Variants in ADAM10 observed in about 807,000 individuals in gnomAD.
ADAM10 encodes ADAM metallopeptidase domain 10, also known as disintegrin and metalloproteinase domain-containing protein 10.
Under a neutral mutation model 90.1 loss-of-function variants are expected in ADAM10, and 17 were observed. That is an observed-to-expected ratio of 0.19 (90% CI 0.13 to 0.28). ADAM10 has a LOEUF of 0.28. Among genes scored for constraint, ADAM10 ranks in the 10% least tolerant of loss-of-function variants. ADAM10 has a pLI of 1.00. For missense variants in ADAM10, 610 were observed against 914.3 expected (o/e 0.67, Z 4.29); for synonymous variants, 310 against 298.6 (o/e 1.04, Z -0.40).
chr15:58,619,324 T>A (rs797019714), intron 11 of ADAM10, among the ~76,000 whole-genome samples: 26 of 152,160 alleles, frequency 1.7e-4, no homozygotes, highest in African/African-American at 6.0e-4. Flanking sequence ...TACAAGAGGA[T>A]GAGAAGGGTA....
intron 11 of ADAM10, among the ~76,000 whole-genome samples, chr15:58,615,423 C>A (rs1258524809): frequency 6.6e-6 from 1 of 151,994 alleles, no homozygotes; most frequent in Non-Finnish European, 1.5e-5. Context: ...ATTTTAATCT[C>A]TTCTCCCTCT....
At chr15:58,674,080 C>T (rs2140742762) in intron 4 of ADAM10, among the ~76,000 whole-genome samples, 1 of 152,024 alleles carries the variant, frequency 6.6e-6, no homozygotes, top group East Asian at 1.9e-4. Context: ...ATTTAGTATC[C>T]TACATTTCTA....
At chr15:58,696,577 C>T (rs1479285887) in intron 2 of ADAM10, among the ~76,000 whole-genome samples, 3 of 151,658 alleles carry the variant, frequency 2.0e-5, no homozygotes, top group South Asian at 2.1e-4. Flanking sequence ...GTGATTCTTC[C>T]GCCTCAGCCT....
At chr15:58,725,853 A>T (rs1899011395) in intron 1 of ADAM10, among the ~76,000 whole-genome samples, 1 of 152,160 alleles carries the variant, frequency 6.6e-6, no homozygotes, top group Admixed American at 6.5e-5. Flanking sequence ...TGAGAAGAGG[A>T]GGTGAAACGA....
At position 58,597,454 on chromosome 15, in the gene ADAM10, G is replaced by A. The variant is rs1475232187; in HGVS notation, c.*93C>T. 6.3e-7 allele frequency: 1 copy of A among 1,599,514 alleles called. No homozygotes were observed. Among genetic ancestry groups the A allele is most frequent in the Non-Finnish European group, 8.5e-7 (1 of 1,172,162 alleles). ...TTTTTCTTCAACTGTTACTTGTGAG[G>A]GTTTAGTTTGGAGATGATGACTTAA... On this transcript the variant is annotated 3_prime_UTR_variant, in exon 16 of 16. Transcript: ENST00000260408.
At chr15:58,628,864 T>C (rs922913466) in intron 9 of ADAM10, among the ~76,000 whole-genome samples, 1 of 152,236 alleles carries the variant, frequency 6.6e-6, no homozygotes, top group Admixed American at 6.5e-5. Context: ...GTTACTTTCA[T>C]TTTCTATTCC....
intron 1 of ADAM10, among the ~76,000 whole-genome samples, chr15:58,736,501 A>G (rs558991011): frequency 7.9e-5 from 12 of 152,164 alleles, no homozygotes; most frequent in Non-Finnish European, 1.8e-4. Flanking sequence ...TCCACACTTA[A>G]GAAAAAAATC....
intron 14 of ADAM10, among the ~76,000 whole-genome samples, chr15:58,605,433 GC>G (rs1463155604): frequency 1.4e-4 from 21 of 145,508 alleles, no homozygotes; most frequent in African/African-American, 4.9e-4. Flanking sequence ...AGTAAGTACG[GC>G]CACCTTTATA....
Position 58,611,686 on chromosome 15 carries a change from G to A in ADAM10, c.1695+122C>T, listed in dbSNP as rs757135680. On this transcript the variant is annotated intron_variant, in intron 12 of 15. Coordinates refer to ENST00000260408, the MANE Select transcript of ADAM10 (RefSeq NM_001110.4). ...ATAATATATTCATGGTTTTGTGAGG[G>A]AATATTACTTAAACAGAGACCAAGA... is the stretch of plus-strand genomic sequence containing the variant. The A allele has an allele frequency of 2.2e-6, 2 of 903,654 alleles. 1 individual carries two copies. The highest frequency in any genetic ancestry group is 3.3e-6 in the Non-Finnish European group (2 of 598,374). 56.0% of individuals were successfully genotyped at this position (903,654 alleles called of 1,614,324 possible).
intron 11 of ADAM10, among the ~76,000 whole-genome samples, chr15:58,620,025 T>G (rs1895734090): frequency 1.3e-5 from 2 of 152,142 alleles, no homozygotes; most frequent in Admixed American, 1.3e-4. Flanking sequence ...CTGTTCACCT[T>G]TAGGAAAAGG....
At chr15:58,610,251 G>C (rs1375214667) in intron 14 of ADAM10, 46 bp downstream of exon 14, 6 of 1,553,242 alleles carry the variant, frequency 3.9e-6, no homozygotes, top group Admixed American at 3.3e-5. Flanking sequence ...GTAAAATTAA[G>C]ATCAAACCAC....
In ADAM10 at chr15:58,686,294, C is replaced by G. The variant is rs182116979; in HGVS notation, c.207-3980G>C. 4 of 587,562 alleles carry G rather than the reference C, an allele frequency of 6.8e-6. No individual in the cohort carries two copies. In the African/African-American group the frequency reaches 7.5e-5, roughly 11 times the overall value. The allele number at this position is 587,562 out of a possible 1,614,324, so 36.4% of individuals were successfully genotyped here. On this transcript the variant is annotated intron_variant, in intron 2 of 15. Coordinates refer to ENST00000260408, the MANE Select transcript of ADAM10 (RefSeq NM_001110.4). Reference sequence around the variant, plus strand: ...CTTTGTTGTCATTTAATAGAGAACCCAGAAAAGCCACTCCTTGGAAATAGG... The same window carrying G: ...CTTTGTTGTCATTTAATAGAGAACCGAGAAAAGCCACTCCTTGGAAATAGG...
At chr15:58,614,705 AT>A (rs1364201886) in intron 11 of ADAM10, among the ~76,000 whole-genome samples, 1 of 152,206 alleles carries the variant, frequency 6.6e-6, no homozygotes, top group Non-Finnish European at 1.5e-5. Context: ...TAGGAAATTC[AT>A]CACCACTAGA....
chr15:58,694,373 C>A (rs1404952294), intron 2 of ADAM10, among the ~76,000 whole-genome samples: 2 of 151,994 alleles, frequency 1.3e-5, no homozygotes, highest in Non-Finnish European at 2.9e-5. Context: ...ATTGCTTGAA[C>A]CCAGGAGGAG....
At chr15:58,599,132 G>C (rs1489168277) in intron 15 of ADAM10, among the ~76,000 whole-genome samples, 1 of 143,794 alleles carries the variant, frequency 7.0e-6, no homozygotes, top group African/African-American at 2.5e-5. Context: ...AGTCCAGCCT[G>C]GGCAACACAG....
intron 9 of ADAM10, among the ~76,000 whole-genome samples, chr15:58,629,892 G>T (rs1288778419): frequency 6.6e-6 from 1 of 151,914 alleles, no homozygotes; most frequent in Admixed American, 6.6e-5. Context: ...TTAGCTTCTC[G>T]AGTAGCTGGG....
intron 2 of ADAM10, among the ~76,000 whole-genome samples, chr15:58,709,397 C>T (rs1451837059): frequency 2.6e-5 from 4 of 152,172 alleles, no homozygotes; most frequent in Non-Finnish European, 4.4e-5. Context: ...TACGTAATTT[C>T]TGACATTCAC....
chr15:58,593,148 AATTTTTTTTTTTTTTTT>A lies in ADAM10; in HGVS notation c.*4382_*4398del, dbSNP rs1566960150. On this transcript the variant is annotated 3_prime_UTR_variant, in exon 16 of 16. Transcript: ENST00000260408. Reference sequence around the variant, plus strand: ...AAAAGTAACAAAGGCCAGGTACTCAAATTTTTTTTTTTTTTTTTTTTTTTTTTTTTTTTTTTTTTTTT... The same window carrying A: ...AAAAGTAACAAAGGCCAGGTACTCAATTTTTTTTTTTTTTTTTTTTTTTTT... 9.0e-6 allele frequency: 1 copy of A among 110,510 alleles called. No homozygotes were observed. The highest frequency in any genetic ancestry group is 3.1e-5 in the African/African-American group (1 of 32,224). The allele number at this position is 110,510 out of a possible 1,614,324, so 6.8% of individuals were successfully genotyped here.
intron 2 of ADAM10, among the ~76,000 whole-genome samples, chr15:58,687,442 G>T (rs770973053): frequency 5.9e-5 from 9 of 152,076 alleles, no homozygotes; most frequent in Non-Finnish European, 1.2e-4. Flanking sequence ...CAACCTAAAA[G>T]AATTCTTAAC....
Sources: gnomAD v4.1 joint callset for allele counts (sites outside exome capture counted in the v4.1 genomes callset) on GRCh38, gnomAD v4.1.1 for gene constraint, MANE v1.5 for transcripts, NCBI Gene and HGNC (gene_info 2026-07-23, HGNC 2026-07-21) for gene names.